The following CCDC192 variants were observed in gnomAD, a reference collection of about 807,000 sequenced individuals.
CCDC192 encodes coiled-coil domain-containing protein 192.
chr5:127,738,426 A>C (rs375924855), intron 2 of CCDC192, among the ~76,000 whole-genome samples: 3 of 141,674 alleles, frequency 2.1e-5, no homozygotes, highest in Non-Finnish European at 4.6e-5. Flanking sequence ...TGCTCTTCTC[A>C]AGGAGTATCT....
Position 127,744,802 on chromosome 5 carries a change from T to C in CCDC192, c.115-9466T>C, listed in dbSNP as rs547095558. 2.0e-5 allele frequency among the ~76,000 whole-genome samples: 3 copies of C among 152,330 alleles called. No individual in the cohort carries two copies. In the East Asian group the frequency reaches 5.8e-4, roughly 29 times the overall value. ...TAAAGGAATTGGGATAATGGAATTA[T>C]TAACATTTATTGAGCACTTCTTCTG... is the stretch of plus-strand genomic sequence containing the variant. On this transcript the variant is annotated intron_variant, in intron 2 of 6. Transcript: ENST00000514853.
intron 5 of CCDC192, among the ~76,000 whole-genome samples, chr5:127,860,653 ATATTTCTTTCC>A (rs1751319476): frequency 6.6e-6 from 1 of 152,212 alleles, no homozygotes; most frequent in Non-Finnish European, 1.5e-5. Flanking sequence ...ACTAGATGCA[ATATTTCTTTCC>A]TTAAAAATAT....
At chr5:127,732,212 C>T (rs1417644261) in intron 2 of CCDC192, among the ~76,000 whole-genome samples, 1 of 151,710 alleles carries the variant, frequency 6.6e-6, no homozygotes, top group East Asian at 1.9e-4. Context: ...CAAAAGAAGA[C>T]ATTTATGTGG....
intron 5 of CCDC192, among the ~76,000 whole-genome samples, chr5:127,861,089 A>G (rs904112578): frequency 8.5e-5 from 13 of 152,048 alleles, no homozygotes; most frequent in African/African-American, 3.1e-4. Context: ...GCTCACTACA[A>G]CCTTCACCTT....
chr5:127,778,035 G>A (rs1481603998), intron 3 of CCDC192, among the ~76,000 whole-genome samples: 3 of 151,792 alleles, frequency 2.0e-5, no homozygotes, highest in Non-Finnish European at 4.4e-5. Flanking sequence ...GTGTTGTTTG[G>A]AATTTTTCTT....
intron 5 of CCDC192, among the ~76,000 whole-genome samples, chr5:127,870,073 C>A (rs943498057): frequency 4.6e-5 from 7 of 152,094 alleles, no homozygotes; most frequent in African/African-American, 1.5e-4. Flanking sequence ...ACGTCTTGCA[C>A]TTGTGATTGT....
intron 5 of CCDC192, among the ~76,000 whole-genome samples, chr5:127,858,178 C>A (rs1751185787): frequency 6.6e-6 from 1 of 152,156 alleles, no homozygotes; most frequent in Admixed American, 6.5e-5. Flanking sequence ...AAATCCGATC[C>A]TATTGACCAC....
chr5:127,758,014 CACG>C (rs1188302655), intron 3 of CCDC192, among the ~76,000 whole-genome samples: 2 of 151,824 alleles, frequency 1.3e-5, no homozygotes, highest in Non-Finnish European at 2.9e-5. Flanking sequence ...GTGTGGAAGA[CACG>C]ACAAGAACCA....
chr5:127,790,874 TAAA>T (rs1362655033), intron 3 of CCDC192, among the ~76,000 whole-genome samples: 1 of 152,344 alleles, frequency 6.6e-6, no homozygotes, highest in East Asian at 1.9e-4. Flanking sequence ...TATTTATTAA[TAAA>T]AACTGCTTGT....
At chr5:127,764,547 C>A (rs143882737) in intron 3 of CCDC192, among the ~76,000 whole-genome samples, 33 of 152,262 alleles carry the variant, frequency 2.2e-4, no homozygotes, top group African/African-American at 7.9e-4. Context: ...GCTATAGATT[C>A]TTCATCCAAG....
intron 2 of CCDC192, among the ~76,000 whole-genome samples, chr5:127,709,076 G>T: frequency 6.6e-6 from 1 of 150,600 alleles, no homozygotes; most frequent in Non-Finnish European, 1.5e-5. Context: ...GAAAGGGGTG[G>T]CGAGGCATGT....
chr5:127,740,196 T>A (rs1006853675), intron 2 of CCDC192: 2 of 152,222 alleles, frequency 1.3e-5, no homozygotes, highest in African/African-American at 4.8e-5. Flanking sequence ...ATTTTACAGA[T>A]GGGAAAACTG....
intron 5 of CCDC192, among the ~76,000 whole-genome samples, chr5:127,840,326 A>G (rs1750225958): frequency 2.0e-5 from 3 of 152,232 alleles, no homozygotes; most frequent in African/African-American, 7.2e-5. Context: ...TAAGTTTTAT[A>G]ATCGTCAAAT....
chr5:127,744,322 T>C (rs979807759), intron 2 of CCDC192, among the ~76,000 whole-genome samples: 3 of 151,226 alleles, frequency 2.0e-5, no homozygotes, highest in South Asian at 2.1e-4. Context: ...AATGAGTAGG[T>C]TGAAGAAGGG....
chr5:127,930,320 C>G lies in CCDC192; in HGVS notation c.536-10862C>G, dbSNP rs546212163. On this transcript the variant is annotated intron_variant, in intron 6 of 6. Coordinates refer to ENST00000514853, the MANE Select transcript of CCDC192 (RefSeq NM_001317938.2). ...AATTGACTTTGAGTCCATACTGATT[C>G]ATTTTCAGATAAGCATAGAAGCAGT... Among the ~76,000 whole-genome samples the G allele has an allele frequency of 5.1e-4, 77 of 152,330 alleles. 1 individual carries two copies. Among genetic ancestry groups the G allele is most frequent in the Middle Eastern group, 3.4e-3 (1 of 294 alleles).
At chr5:127,812,912 C>T (rs1758158158) in intron 5 of CCDC192, among the ~76,000 whole-genome samples, 1 of 152,234 alleles carries the variant, frequency 6.6e-6, no homozygotes, top group African/African-American at 2.4e-5. Flanking sequence ...TCTCAGCTTC[C>T]TGGAGAATGC....
chr5:127,731,469 C>G (rs1334940063), intron 2 of CCDC192, among the ~76,000 whole-genome samples: 2 of 152,114 alleles, frequency 1.3e-5, no homozygotes, highest in Admixed American at 1.3e-4. Context: ...CAATGCTATT[C>G]CTATTAAAAT....
rs1021401177 is a variant in CCDC192, at chr5:127,848,112, C to T, written c.412-27426C>T. 2.0e-5 allele frequency among the ~76,000 whole-genome samples: 3 copies of T among 152,018 alleles called. No homozygotes were observed. In the East Asian group the frequency reaches 5.8e-4, roughly 29 times the overall value. ...TTAATCTCTATGTTTGGTGACCAAACTCCTGAGTGGCTACAGTTTTCTTAT... is the reference window on the plus strand; with the variant it reads ...TTAATCTCTATGTTTGGTGACCAAATTCCTGAGTGGCTACAGTTTTCTTAT... On this transcript the variant is annotated intron_variant, in intron 5 of 6. Transcript: ENST00000514853.
At chr5:127,900,553 G>A (rs1334330838) in intron 6 of CCDC192, among the ~76,000 whole-genome samples, 1 of 152,202 alleles carries the variant, frequency 6.6e-6, no homozygotes, top group Non-Finnish European at 1.5e-5. Context: ...CAGGCTGTTG[G>A]TGTTTTCTTT....
Sources: gnomAD v4.1 joint callset for allele counts (sites outside exome capture counted in the v4.1 genomes callset) on GRCh38, gnomAD v4.1.1 for gene constraint, MANE v1.5 for transcripts, NCBI Gene and HGNC (gene_info 2026-07-23, HGNC 2026-07-21) for gene names.